The following CNTNAP5 variants were observed in gnomAD, a reference collection of about 807,000 sequenced individuals.
CNTNAP5 encodes contactin associated protein family member 5, also known as contactin-associated protein-like 5.
In CNTNAP5, 72 loss-of-function variants were observed where a neutral mutation model predicts 150.2. That is an observed-to-expected ratio of 0.48 (90% CI 0.40 to 0.58). CNTNAP5 has a LOEUF of 0.58. Among genes scored for constraint, CNTNAP5 ranks in the 20% least tolerant of loss-of-function variants. CNTNAP5 has a pLI of 0.00. For synonymous variants in CNTNAP5, 672 were observed against 619.8 expected, an observed-to-expected ratio of 1.08 and a Z score of -1.25; for missense variants, 1,636 against 1,626.2, an observed-to-expected ratio of 1.01 and a Z score of -0.10.
chr2:124,731,806 G>A (rs542491699), intron 13 of CNTNAP5, among the ~76,000 whole-genome samples: 8 of 151,606 alleles, frequency 5.3e-5, no homozygotes, highest in African/African-American at 1.9e-4. Context: ...ATGAGTGTAT[G>A]TGTGAGTGTG....
At chr2:124,281,934 C>T (rs1448494265) in intron 3 of CNTNAP5, among the ~76,000 whole-genome samples, 2 of 152,122 alleles carry the variant, frequency 1.3e-5, no homozygotes, top group Non-Finnish European at 2.9e-5. Context: ...GGATTCCCGG[C>T]GGCATTTGTC....
chr2:124,499,901 A>G (rs1290099354), intron 7 of CNTNAP5, among the ~76,000 whole-genome samples: 4 of 152,140 alleles, frequency 2.6e-5, no homozygotes. Flanking sequence ...AAATTGGCTC[A>G]CTGGACTACA....
intron 4 of CNTNAP5, among the ~76,000 whole-genome samples, chr2:124,427,645 CG>C (rs1692272479): frequency 6.6e-6 from 1 of 151,808 alleles, no homozygotes; most frequent in Non-Finnish European, 1.5e-5. Context: ...TTAGTAGAGA[CG>C]GGGTTTCACA....
chr2:124,751,989 G>T (rs1161756480), intron 14 of CNTNAP5, among the ~76,000 whole-genome samples: 1 of 152,140 alleles, frequency 6.6e-6, no homozygotes, highest in Non-Finnish European at 1.5e-5. Context: ...GCTTGACTAA[G>T]GGGCAGAGTA....
chr2:124,040,621 CTGTGTGTGTG>C (rs58364625), intron 1 of CNTNAP5, among the ~76,000 whole-genome samples: 2 of 145,040 alleles, frequency 1.4e-5, no homozygotes, highest in East Asian at 2.0e-4. Context: ...CTGTATGCCT[CTGTGTGTGTG>C]TGTGTGTGTG....
intron 1 of CNTNAP5, among the ~76,000 whole-genome samples, chr2:124,165,729 A>G (rs2104655644): frequency 6.6e-6 from 1 of 152,290 alleles, no homozygotes; most frequent in Admixed American, 6.5e-5. Context: ...ATGGAGGGGT[A>G]GCATATTCTA....
intron 13 of CNTNAP5, among the ~76,000 whole-genome samples, chr2:124,693,160 C>T (rs1679334299): frequency 6.6e-6 from 1 of 152,156 alleles, no homozygotes; most frequent in South Asian, 2.1e-4. Flanking sequence ...CCGTTTGGGC[C>T]TGGACCAAGT....
chr2:124,662,009 A>AC (rs1678602779), intron 13 of CNTNAP5, among the ~76,000 whole-genome samples: 1 of 150,058 alleles, frequency 6.7e-6, no homozygotes, highest in African/African-American at 2.5e-5. Context: ...CTTGTCTCCC[A>AC]CCCCCCGATA....
chr2:124,330,733 G>T (rs1689329684), intron 3 of CNTNAP5, among the ~76,000 whole-genome samples: 1 of 151,686 alleles, frequency 6.6e-6, no homozygotes, highest in South Asian at 2.1e-4. Context: ...CATGAGAACA[G>T]ACCAATACAA....
chr2:124,585,634 T>C (rs1199699669), intron 11 of CNTNAP5, among the ~76,000 whole-genome samples: 1 of 145,158 alleles, frequency 6.9e-6, no homozygotes, highest in Non-Finnish European at 1.5e-5. Flanking sequence ...AACTTCATTC[T>C]GGCTTAGGGA....
intron 3 of CNTNAP5, among the ~76,000 whole-genome samples, chr2:124,376,635 G>T (rs923796799): frequency 6.6e-6 from 1 of 152,000 alleles, no homozygotes; most frequent in Non-Finnish European, 1.5e-5. Flanking sequence ...TTATCATTTG[G>T]GAGGTGGAAA....
At chr2:124,867,666 C>T (rs574097897) in intron 20 of CNTNAP5, among the ~76,000 whole-genome samples, 18 of 152,262 alleles carry the variant, frequency 1.2e-4, no homozygotes, top group Non-Finnish European at 2.6e-4. Context: ...CCCCAAGGAA[C>T]TCTCAGAACG....
intron 16 of CNTNAP5, among the ~76,000 whole-genome samples, chr2:124,772,202 A>G (rs569708993): frequency 6.6e-6 from 1 of 152,258 alleles, no homozygotes; most frequent in Admixed American, 6.5e-5. Flanking sequence ...CTTCCATTAT[A>G]CAAAGATTGT....
At chr2:124,188,445 C>T (rs1318133933) in intron 1 of CNTNAP5, among the ~76,000 whole-genome samples, 6 of 151,994 alleles carry the variant, frequency 3.9e-5, no homozygotes, top group East Asian at 3.9e-4. Flanking sequence ...AGGGGCCGGG[C>T]GCAGTGGCTC....
At chr2:124,379,408 A>G (rs889429390) in intron 3 of CNTNAP5, among the ~76,000 whole-genome samples, 7 of 152,044 alleles carry the variant, frequency 4.6e-5, no homozygotes, top group African/African-American at 1.2e-4. Context: ...TTCATACAAT[A>G]TGTATCCCAT....
intron 13 of CNTNAP5, among the ~76,000 whole-genome samples, chr2:124,665,744 G>C (rs557482210): frequency 6.6e-6 from 1 of 151,976 alleles, no homozygotes; most frequent in Non-Finnish European, 1.5e-5. Context: ...AAATTAGCCG[G>C]GCGTGGTGGC....
chr2:124,138,906 C>T (rs756989302), intron 1 of CNTNAP5, among the ~76,000 whole-genome samples: 8 of 152,006 alleles, frequency 5.3e-5, no homozygotes, highest in Non-Finnish European at 7.4e-5. Flanking sequence ...ATGTCCTGCC[C>T]ATCAGTAGCA....
intron 1 of CNTNAP5, among the ~76,000 whole-genome samples, chr2:124,064,982 C>G (rs909372298): frequency 2.6e-5 from 4 of 152,138 alleles, no homozygotes; most frequent in Non-Finnish European, 5.9e-5. Context: ...TTATCTCACT[C>G]TAGTATAATT....
At chr2:124,078,908 A>T (rs1189006623) in intron 1 of CNTNAP5, among the ~76,000 whole-genome samples, 1 of 152,198 alleles carries the variant, frequency 6.6e-6, no homozygotes, top group Non-Finnish European at 1.5e-5. Context: ...TGAAAGGTAG[A>T]GAGGAATCTC....
Sources: gnomAD v4.1 joint callset for allele counts (sites outside exome capture counted in the v4.1 genomes callset) on GRCh38, gnomAD v4.1.1 for gene constraint, MANE v1.5 for transcripts, NCBI Gene and HGNC (gene_info 2026-07-23, HGNC 2026-07-21) for gene names.